Variants in MKLN1 observed in about 807,000 individuals in gnomAD.
MKLN1 encodes the protein muskelin.
A neutral mutation model predicts 99.0 loss-of-function variants in MKLN1; 18 were observed. That is an observed-to-expected ratio of 0.18 (90% CI 0.13 to 0.27). The LOEUF (loss-of-function observed/expected upper bound fraction) is 0.27, where lower values mean the gene tolerates loss of function less well. Ranked by LOEUF, MKLN1 falls within the 10% of genes least tolerant of loss-of-function variation. The pLI, the probability that MKLN1 is intolerant of heterozygous loss-of-function variation, is 1.00. For missense variants in MKLN1, 621 were observed against 875.9 expected (o/e 0.71, Z 3.67); for synonymous variants, 288 against 293.2 (o/e 0.98, Z 0.18).
At chr7:131,147,449 G>T (rs142415271) in intron 2 of MKLN1, among the ~76,000 whole-genome samples, 22 of 152,188 alleles carry the variant, frequency 1.4e-4, no homozygotes, top group African/African-American at 4.8e-4. Context: ...ACCCCTTCTT[G>T]TACAGAAGAT....
chr7:131,162,886 ACTTTT>A (rs1451553307), intron 2 of MKLN1, among the ~76,000 whole-genome samples: 1 of 152,208 alleles, frequency 6.6e-6, no homozygotes. Flanking sequence ...ATTTCTTTTT[ACTTTT>A]CTTAATGGGC....
chr7:131,317,669 T>G (rs1216666125), intron 3 of MKLN1, among the ~76,000 whole-genome samples: 1 of 146,918 alleles, frequency 6.8e-6, no homozygotes, highest in African/African-American at 2.5e-5. Context: ...GCAAATTGGA[T>G]AGAGTCAAGA....
At chr7:131,314,941 T>A (rs1375019683) in intron 3 of MKLN1, among the ~76,000 whole-genome samples, 1 of 151,326 alleles carries the variant, frequency 6.6e-6, no homozygotes, top group Non-Finnish European at 1.5e-5. Context: ...CAAGATAAGT[T>A]TTGCTTTTAC....
intron 1 of MKLN1, among the ~76,000 whole-genome samples, chr7:131,334,916 T>A (rs1799206309): frequency 6.6e-6 from 1 of 152,224 alleles, no homozygotes; most frequent in African/African-American, 2.4e-5. Context: ...TAATACCATT[T>A]GTCAGAAATC....
intron 3 of MKLN1, among the ~76,000 whole-genome samples, chr7:131,235,295 C>CTG (rs35071431): frequency 0.052 from 7,724 of 149,480 alleles, 269 homozygotes; most frequent in East Asian, 0.19. Context: ...CACACACACA[C>CTG]TGTGTGTGTG....
intron 2 of MKLN1, among the ~76,000 whole-genome samples, chr7:131,191,783 G>C (rs540085123): frequency 1.4e-5 from 2 of 147,168 alleles, no homozygotes; most frequent in South Asian, 4.2e-4. Context: ...GTGCAATCTC[G>C]GCTCACTGCA....
rs1584793434 is a variant in MKLN1, at chr7:131,488,552, T to C, written c.*824T>C. The C allele has an allele frequency of 6.6e-6, 1 of 152,454 alleles. No homozygotes were observed. The highest frequency in any genetic ancestry group is 1.9e-4 in the East Asian group (1 of 5,188). The allele number at this position is 152,454 out of a possible 1,614,324, so 9.4% of individuals were successfully genotyped here. ...TTCTAAAAGTGACCAGCAGGAGGGA[T>C]CTAGTAGTGAATAATATCTTAATAG... On this transcript the variant is annotated 3_prime_UTR_variant, in exon 18 of 18. Coordinates refer to ENST00000352689, the MANE Select transcript of MKLN1 (RefSeq NM_013255.5).
intron 3 of MKLN1, among the ~76,000 whole-genome samples, chr7:131,259,100 C>G (rs930926932): frequency 6.6e-6 from 1 of 152,052 alleles, no homozygotes; most frequent in Admixed American, 6.6e-5. Context: ...TTTGAACTTT[C>G]TTTTTGGATT....
chr7:131,127,625 A>T (rs563672959), intron 1 of MKLN1, among the ~76,000 whole-genome samples: 1 of 152,354 alleles, frequency 6.6e-6, no homozygotes, highest in Non-Finnish European at 1.5e-5. Flanking sequence ...TACTCAGAAC[A>T]GTGTCTAACA....
chr7:131,261,773 A>G (rs894515747), intron 3 of MKLN1, among the ~76,000 whole-genome samples: 2 of 152,142 alleles, frequency 1.3e-5, no homozygotes, highest in East Asian at 1.9e-4. Context: ...TAGACTGAAT[A>G]AAGAAAATGT....
At chr7:131,187,753 C>T (rs1247782620) in intron 2 of MKLN1, among the ~76,000 whole-genome samples, 2 of 152,074 alleles carry the variant, frequency 1.3e-5, no homozygotes, top group African/African-American at 4.8e-5. Flanking sequence ...AGTTTGAGGC[C>T]ACTCTGACTG....
chr7:131,425,387 T>C (rs1795329280), intron 8 of MKLN1, among the ~76,000 whole-genome samples: 1 of 152,196 alleles, frequency 6.6e-6, no homozygotes, highest in African/African-American at 2.4e-5. Context: ...CAGCCAGATA[T>C]ACTGTCTTCC....
chr7:131,231,386 C>T (rs1339733595), intron 3 of MKLN1, among the ~76,000 whole-genome samples: 1 of 152,112 alleles, frequency 6.6e-6, no homozygotes, highest in Non-Finnish European at 1.5e-5. Context: ...CAGCCTGAAG[C>T]ACTTGGCTCC....
chr7:131,469,137 A>G (rs1045500931), intron 15 of MKLN1, among the ~76,000 whole-genome samples: 23 of 152,134 alleles, frequency 1.5e-4, no homozygotes, highest in South Asian at 6.2e-4. Context: ...AGATAGATAG[A>G]TAGATTGATT....
At chr7:131,190,117 C>A (rs576564596) in intron 2 of MKLN1, among the ~76,000 whole-genome samples, 1 of 152,074 alleles carries the variant, frequency 6.6e-6, no homozygotes, top group Non-Finnish European at 1.5e-5. Context: ...GGATCCCCCA[C>A]CCCCTTAAGG....
At chr7:131,166,451 C>T (rs541299576) in intron 2 of MKLN1, among the ~76,000 whole-genome samples, 1 of 145,394 alleles carries the variant, frequency 6.9e-6, no homozygotes, top group African/African-American at 2.5e-5. Context: ...AACATCCTTA[C>T]AATGGCTGAT....
Position 131,150,940 on chromosome 7 carries a change from T to C in MKLN1, c.-297+7999T>C, listed in dbSNP as rs10268925. Reference sequence around the variant, plus strand: ...ATCTGATAATAGAACATTCAGATGGTGATGTAATTATAAAATAGACTTGTT... The same window carrying C: ...ATCTGATAATAGAACATTCAGATGGCGATGTAATTATAAAATAGACTTGTT... On this transcript the variant is annotated intron_variant, in intron 2 of 7. Transcript: ENST00000416992. 2.4e-3 allele frequency among the ~76,000 whole-genome samples: 372 copies of C among 152,246 alleles called. 4 individuals are homozygous for C. Among genetic ancestry groups the C allele is most frequent in the African/African-American group, 8.4e-3 (350 of 41,550 alleles).
At chr7:131,437,399 G>C (rs888916224) in intron 9 of MKLN1, among the ~76,000 whole-genome samples, 3 of 152,258 alleles carry the variant, frequency 2.0e-5, no homozygotes, top group Non-Finnish European at 4.4e-5. Flanking sequence ...TGTTCATAAA[G>C]ACCAAACATG....
intron 12 of MKLN1, among the ~76,000 whole-genome samples, chr7:131,460,949 A>C (rs1337282037): frequency 6.6e-6 from 1 of 152,222 alleles, no homozygotes; most frequent in Non-Finnish European, 1.5e-5. Flanking sequence ...TCTGAGGAGC[A>C]GAGGTCAGAA....
Sources: gnomAD v4.1 joint callset for allele counts (sites outside exome capture counted in the v4.1 genomes callset) on GRCh38, gnomAD v4.1.1 for gene constraint, MANE v1.5 for transcripts, NCBI Gene and HGNC (gene_info 2026-07-23, HGNC 2026-07-21) for gene names.